The following MYLK variants were observed in gnomAD, a reference collection of about 807,000 sequenced individuals.
MYLK encodes the protein myosin light chain kinase.
Under a neutral mutation model 203.4 loss-of-function variants are expected in MYLK, and 106 were observed. The observed-to-expected ratio is 0.52, with a 90% CI of 0.45 to 0.61. MYLK has a LOEUF of 0.61. MYLK is among the 20% of genes least tolerant of loss of function. The probability of loss-of-function intolerance (pLI) is 0.00; values close to 1 mark genes in which losing one functional copy is unlikely to be tolerated. For missense variants in MYLK, 2,072 were observed against 2,442.3 expected (o/e 0.85, Z 3.20); for synonymous variants, 867 against 959.5 (o/e 0.90, Z 1.78).
chr3:123,764,678 C>T (rs963524725), intron 4 of MYLK, among the ~76,000 whole-genome samples: 6 of 152,202 alleles, frequency 3.9e-5, no homozygotes, highest in East Asian at 1.9e-4. Flanking sequence ...GGCCTCTCCA[C>T]GGAGGAGCTT....
chr3:123,644,965 C>T (rs2058964483), intron 27 of MYLK, among the ~76,000 whole-genome samples: 1 of 152,190 alleles, frequency 6.6e-6, no homozygotes, highest in African/African-American at 2.4e-5. Flanking sequence ...ATTGCAAAAT[C>T]ATGACTCAAT....
rs200117191 is a variant in MYLK, at chr3:123,700,735, C to T, written c.2733G>A (p.Ser911=). The change falls in exon 18 of 34, where the codon TCG becomes TCA. Residue 911 remains serine (S), a synonymous_variant. Transcript: ENST00000360304. ...LGKKVSTKTL[S]EDDLKEIPAE... ...CTGGGATCTCCTTCAGGTCGTCTTCCGATAGGGTCTTTGTACTCACCTTCT... is the reference window on the plus strand; with the variant it reads ...CTGGGATCTCCTTCAGGTCGTCTTCTGATAGGGTCTTTGTACTCACCTTCT... 68 of 1,614,168 alleles carry T rather than the reference C, an allele frequency of 4.2e-5. No individual in the cohort carries two copies. In the East Asian group the frequency reaches 9.6e-4, roughly 23 times the overall value.
intron 20 of MYLK, among the ~76,000 whole-genome samples, chr3:123,667,835 C>T (rs1480317981): frequency 6.6e-6 from 1 of 152,178 alleles, no homozygotes; most frequent in Non-Finnish European, 1.5e-5. Flanking sequence ...CCCTAACTTT[C>T]AGGAAACTCA....
intron 3 of MYLK, among the ~76,000 whole-genome samples, chr3:123,831,227 C>G (rs1268237454): frequency 6.6e-6 from 1 of 152,228 alleles, no homozygotes; most frequent in Admixed American, 6.5e-5. Flanking sequence ...AGTACCACAG[C>G]GTGCAGTGTG....
chr3:123,625,013 C>T (rs1270197626), intron 31 of MYLK: 1 of 152,214 alleles, frequency 6.6e-6, no homozygotes, highest in Non-Finnish European at 1.5e-5. Context: ...GCCACCCAGG[C>T]AAAGTCTCAA....
At chr3:123,783,932 T>C (rs951883266) in intron 4 of MYLK, among the ~76,000 whole-genome samples, 2 of 152,232 alleles carry the variant, frequency 1.3e-5, no homozygotes, top group African/African-American at 4.8e-5. Flanking sequence ...TTAGATCTTT[T>C]ATTGGACATT....
intron 2 of MYLK, among the ~76,000 whole-genome samples, chr3:123,848,637 G>C (rs930047551): frequency 8.5e-5 from 13 of 152,130 alleles, no homozygotes; most frequent in African/African-American, 3.1e-4. Context: ...CTAATTAAAG[G>C]TAGCCAACTC....
rs113777323 is a variant in MYLK, at chr3:123,863,174, C to T, written c.-127+13385G>A. On this transcript the variant is annotated intron_variant, in intron 2 of 33. Transcript: ENST00000360304. ...TTTGCAACAAATGGGGCTAGAACAACGGATATCCACAGGGGCAAAAAAGAA... is the reference window on the plus strand; with the variant it reads ...TTTGCAACAAATGGGGCTAGAACAATGGATATCCACAGGGGCAAAAAAGAA... 2.9e-3 allele frequency among the ~76,000 whole-genome samples: 447 copies of T among 152,100 alleles called. 1 individual carries two copies. Among genetic ancestry groups the T allele is most frequent in the African/African-American group, 0.01 (429 of 41,508 alleles).
At chr3:123,666,397 C>G in intron 21 of MYLK, 51 bp from the exon 22 acceptor site, 1 of 1,613,328 alleles carries the variant, frequency 6.2e-7, no homozygotes, top group East Asian at 2.2e-5. Flanking sequence ...CTCAGGCATT[C>G]TGATCACATT....
chr3:123,744,574 G>A (rs375097399), intron 5 of MYLK, among the ~76,000 whole-genome samples: 27 of 152,250 alleles, frequency 1.8e-4, no homozygotes, highest in East Asian at 1.2e-3. Context: ...ACAATTCTCC[G>A]TTTTATGATA....
At chr3:123,757,282 C>T (rs537047204) in intron 4 of MYLK, among the ~76,000 whole-genome samples, 24 of 152,322 alleles carry the variant, frequency 1.6e-4, no homozygotes, top group Middle Eastern at 3.4e-3. Context: ...AATTCTTTGT[C>T]CCTATAGGTC....
intron 2 of MYLK, among the ~76,000 whole-genome samples, chr3:123,868,584 C>T (rs1399965801): frequency 6.6e-6 from 1 of 152,134 alleles, no homozygotes; most frequent in Admixed American, 6.5e-5. Context: ...CAAGGTCATA[C>T]AGTGAGGAAG....
chr3:123,639,733 C>A (rs2058766921), intron 28 of MYLK, among the ~76,000 whole-genome samples: 1 of 152,202 alleles, frequency 6.6e-6, no homozygotes, highest in East Asian at 1.9e-4. Context: ...CCCAGCACAT[C>A]CCCTGGCTCA....
chr3:123,822,349 A>T (rs546843887), intron 3 of MYLK, among the ~76,000 whole-genome samples: 1 of 152,292 alleles, frequency 6.6e-6, no homozygotes, highest in East Asian at 1.9e-4. Flanking sequence ...CCTGGTCAAG[A>T]GAAGAGGCCA....
At chr3:123,828,784 C>A (rs2066225705) in intron 3 of MYLK, among the ~76,000 whole-genome samples, 1 of 152,002 alleles carries the variant, frequency 6.6e-6, no homozygotes, top group African/African-American at 2.4e-5. Context: ...AGAAAATGGG[C>A]AAATGATATG....
chr3:123,737,736 G>C (rs1274725930), intron 7 of MYLK, among the ~76,000 whole-genome samples, 193 bp from the exon 8 acceptor site: 1 of 152,194 alleles, frequency 6.6e-6, no homozygotes, highest in Non-Finnish European at 1.5e-5. Context: ...GTCTGTGGAT[G>C]TGGTGTGGTG....
chr3:123,857,225 G>A (rs1227531170), intron 2 of MYLK, among the ~76,000 whole-genome samples: 1 of 152,142 alleles, frequency 6.6e-6, no homozygotes, highest in Non-Finnish European at 1.5e-5. Context: ...CAACCATTGT[G>A]GAAGTCAGTG....
intron 4 of MYLK, among the ~76,000 whole-genome samples, chr3:123,769,575 C>T (rs969125471): frequency 2.6e-5 from 4 of 152,200 alleles, no homozygotes; most frequent in Non-Finnish European, 5.9e-5. Flanking sequence ...CTGGGTGTCA[C>T]TTCAGAGACA....
At position 123,651,619 on chromosome 3, in the gene MYLK, G is replaced by C. The variant is rs887221547; in HGVS notation, c.4289-2425C>G. On this transcript the variant is annotated intron_variant, in intron 24 of 33. Transcript: ENST00000360304. Reference sequence around the variant, plus strand: ...AAGCAGCAGAGTGAGAGGGAAAGGAGAGGGCAGCTTTCCTGGCCTGGTGTC... The same window carrying C: ...AAGCAGCAGAGTGAGAGGGAAAGGACAGGGCAGCTTTCCTGGCCTGGTGTC... Among the ~76,000 whole-genome samples, 5 of 152,202 alleles carry C rather than the reference G, an allele frequency of 3.3e-5. 1 individual carries two copies. Among genetic ancestry groups the C allele is most frequent in the African/African-American group, 1.2e-4 (5 of 41,448 alleles).
Sources: gnomAD v4.1 joint callset for allele counts (sites outside exome capture counted in the v4.1 genomes callset) on GRCh38, gnomAD v4.1.1 for gene constraint, MANE v1.5 for transcripts, NCBI Gene and HGNC (gene_info 2026-07-23, HGNC 2026-07-21) for gene names.